The following FOXP1 variants were observed in gnomAD, a reference collection of about 807,000 sequenced individuals.
The protein encoded by FOXP1 is forkhead box P1.
FOXP1 carries 15 observed loss-of-function variants against 98.2 expected under a neutral mutation model. That is an observed-to-expected ratio of 0.15 (90% confidence interval 0.10 to 0.24). The LOEUF is 0.24. FOXP1 is among the 10% of genes least tolerant of loss of function. The probability of loss-of-function intolerance (pLI) is 1.00; values close to 1 mark genes in which losing one functional copy is unlikely to be tolerated. For missense variants in FOXP1, 633 were observed against 848.5 expected (o/e 0.75, Z 3.15); for synonymous variants, 371 against 314.5 (o/e 1.18, Z -1.90).
chr3:71,090,018 G>A (rs565988337), intron 7 of FOXP1, among the ~76,000 whole-genome samples: 1 of 151,934 alleles, frequency 6.6e-6, no homozygotes, highest in East Asian at 1.9e-4. Flanking sequence ...GATTTTCATG[G>A]GAAATCTCCA....
chr3:71,000,943 G>A (rs1303818518), intron 13 of FOXP1, 29 bp downstream of exon 13: 2 of 1,445,642 alleles, frequency 1.4e-6, no homozygotes, highest in Non-Finnish European at 1.9e-6. Flanking sequence ...GCATACTGAG[G>A]TTAATATTAA....
intron 2 of FOXP1, among the ~76,000 whole-genome samples, chr3:71,515,449 A>C (rs13325154): frequency 1.8e-4 from 25 of 140,684 alleles, no homozygotes; most frequent in Non-Finnish European, 2.2e-4. Context: ...AAAAAAAAAA[A>C]AAAACTGCAC....
intron 4 of FOXP1, among the ~76,000 whole-genome samples, chr3:71,318,588 C>T (rs910881047): frequency 1.3e-5 from 2 of 152,204 alleles, no homozygotes; most frequent in African/African-American, 4.8e-5. Context: ...ACCACTCTAA[C>T]TGCAAAATCA....
Position 70,956,244 on chromosome 3 carries a change from C to T in FOXP1, c.*3003G>A, listed in dbSNP as rs982438271. The T allele has an allele frequency of 1.7e-5, 4 of 233,176 alleles. No homozygotes were observed. The highest frequency in any genetic ancestry group is 6.6e-5 in the African/African-American group (3 of 45,256). 14.4% of individuals were successfully genotyped at this position (233,176 alleles called of 1,614,324 possible). On this transcript the variant is annotated 3_prime_UTR_variant, in exon 21 of 21. Transcript: ENST00000649528. ...CAGACACATCGGGATATATGTACAA[C>T]GTAATAAACCCCATCCTAAAGAAGC...
intron 6 of FOXP1, among the ~76,000 whole-genome samples, chr3:71,170,326 C>T (rs1305113506): frequency 1.3e-5 from 2 of 152,206 alleles, no homozygotes; most frequent in Non-Finnish European, 2.9e-5. Context: ...TATTTGATTA[C>T]TGCTAGTCAA....
intron 4 of FOXP1, among the ~76,000 whole-genome samples, chr3:71,308,996 G>A (rs965875709): frequency 8.5e-5 from 13 of 152,086 alleles, no homozygotes; most frequent in South Asian, 2.1e-4. Context: ...AAATGTCAAC[G>A]AAAACTCACC....
chr3:71,501,808 T>A (rs189958515), intron 2 of FOXP1, among the ~76,000 whole-genome samples: 1 of 152,328 alleles, frequency 6.6e-6, no homozygotes, highest in Non-Finnish European at 1.5e-5. Flanking sequence ...CGGTGTCTTT[T>A]ACATCATCTA....
At chr3:71,075,958 G>A (rs1364422667) in intron 7 of FOXP1, among the ~76,000 whole-genome samples, 1 of 152,108 alleles carries the variant, frequency 6.6e-6, no homozygotes, top group Non-Finnish European at 1.5e-5. Flanking sequence ...GGGCTCAAGT[G>A]ATCTTCCTGC....
At chr3:71,336,792 A>G (rs908482561) in intron 4 of FOXP1, among the ~76,000 whole-genome samples, 7 of 152,336 alleles carry the variant, frequency 4.6e-5, no homozygotes, top group African/African-American at 1.7e-4. Flanking sequence ...CTCACAAATG[A>G]AAGAACACAA....
intron 7 of FOXP1, among the ~76,000 whole-genome samples, chr3:71,058,604 A>AG (rs1177501331): frequency 6.7e-6 from 1 of 150,298 alleles, no homozygotes; most frequent in African/African-American, 2.4e-5. Flanking sequence ...GAGAGAGAGG[A>AG]GAAAAAAAAA....
intron 7 of FOXP1, among the ~76,000 whole-genome samples, chr3:71,089,951 T>C (rs1353632815): frequency 6.6e-6 from 1 of 152,232 alleles, no homozygotes; most frequent in Non-Finnish European, 1.5e-5. Context: ...TAACTGGTGC[T>C]ATGTATATTG....
chr3:71,103,189 A>T (rs964475387), intron 7 of FOXP1, among the ~76,000 whole-genome samples: 1 of 152,200 alleles, frequency 6.6e-6, no homozygotes, highest in Non-Finnish European at 1.5e-5. Context: ...AGTTTGAATG[A>T]ATGAATGCAT....
At chr3:71,389,944 C>T (rs2080907563) in intron 3 of FOXP1, among the ~76,000 whole-genome samples, 1 of 152,086 alleles carries the variant, frequency 6.6e-6, no homozygotes, top group Non-Finnish European at 1.5e-5. Flanking sequence ...TGGAAACCTT[C>T]AGCAGCAGAA....
chr3:71,560,118 C>G (rs1048723210), intron 2 of FOXP1, among the ~76,000 whole-genome samples: 82 of 152,206 alleles, frequency 5.4e-4, no homozygotes, highest in Non-Finnish European at 5.9e-5. Flanking sequence ...GTACCTGAAG[C>G]TAATCACCAC....
chr3:71,038,661 CT>C (rs768412342), intron 11 of FOXP1, among the ~76,000 whole-genome samples: 630 of 140,088 alleles, frequency 4.5e-3, no homozygotes, highest in Non-Finnish European at 4.0e-3. Flanking sequence ...CTAATCATTG[CT>C]TTTTTTTTTT....
At chr3:71,093,190 GGTGCAGTGAGCCAAGATCGCACTA>G (rs1327737526) in intron 7 of FOXP1, among the ~76,000 whole-genome samples, 1 of 151,046 alleles carries the variant, frequency 6.6e-6, no homozygotes, top group African/African-American at 2.4e-5. Context: ...GGAGGCAGAG[GGTGCAGTGAGCCAAGATCGCACTA>G]GTGCACTCAG....
At chr3:71,198,116 G>A in intron 6 of FOXP1, 86 bp downstream of exon 6, 1 of 1,611,530 alleles carries the variant, frequency 6.2e-7, no homozygotes, top group South Asian at 1.1e-5. Flanking sequence ...ACAAAACACT[G>A]ATCGCGAGAT....
chr3:71,323,998 C>A (rs994250818), intron 4 of FOXP1, among the ~76,000 whole-genome samples: 2 of 152,004 alleles, frequency 1.3e-5, no homozygotes, highest in African/African-American at 4.8e-5. Flanking sequence ...TAGATACTAC[C>A]ATGTGGCCCT....
At chr3:71,291,325 T>A (rs2072728735) in intron 5 of FOXP1, among the ~76,000 whole-genome samples, 1 of 152,216 alleles carries the variant, frequency 6.6e-6, no homozygotes, top group Admixed American at 6.5e-5. Context: ...TCCAAAACGA[T>A]CATTTCAACA....
Sources: allele counts gnomAD v4.1 joint callset (sites outside exome capture counted in the v4.1 genomes callset), GRCh38; gene constraint gnomAD v4.1.1; transcripts MANE v1.5; gene names NCBI Gene and HGNC (gene_info 2026-07-23, HGNC 2026-07-21).